Variants in TRIM16 observed in about 807,000 individuals in gnomAD.
TRIM16 encodes the protein tripartite motif containing 16, also known as tripartite motif-containing protein 16.
TRIM16 carries 33 observed loss-of-function variants against 50.4 expected under a neutral mutation model. The ratio of observed to expected loss-of-function variants is 0.65; its 90% CI spans 0.50 to 0.88. The LOEUF is 0.88. TRIM16 is among the 40% of genes least tolerant of loss of function. The probability of loss-of-function intolerance (pLI) is 0.00; values close to 1 mark genes in which losing one functional copy is unlikely to be tolerated. For synonymous variants in TRIM16, 229 were observed against 270.7 expected, an observed-to-expected ratio of 0.85 and a Z score of 1.51; for missense variants, 581 against 686.8, an observed-to-expected ratio of 0.85 and a Z score of 1.72.
rs550596855 is a variant in TRIM16, at chr17:15,681,488, G to A, written c.-678-535C>T. Among the ~76,000 whole-genome samples, 448 of 152,370 alleles carry A rather than the reference G, an allele frequency of 2.9e-3. 1 individual carries two copies. Among genetic ancestry groups the A allele is most frequent in the South Asian group, 6.8e-3 (33 of 4,826 alleles). On this transcript the variant is annotated intron_variant, in intron 3 of 11. Transcript: ENST00000649191. Reference sequence around the variant, plus strand: ...CCACACACGCTCCACTAAATTGTATGTGTCGTATCATTCACCACTGCATCC... The same window carrying A: ...CCACACACGCTCCACTAAATTGTATATGTCGTATCATTCACCACTGCATCC...
chr17:15,645,660 G>C (rs1987336520), intron 7 of TRIM16, among the ~76,000 whole-genome samples: 1 of 152,348 alleles, frequency 6.6e-6, no homozygotes, highest in South Asian at 2.1e-4. Context: ...AACTCAGAGA[G>C]CATAAACTGT....
At chr17:15,682,359 G>A (rs1989217009) in intron 3 of TRIM16, among the ~76,000 whole-genome samples, 1 of 152,208 alleles carries the variant, frequency 6.6e-6, no homozygotes, top group African/African-American at 2.4e-5. Context: ...CGGGGCTAAG[G>A]TAGAGTTAGG....
rs1419648799 is a variant in TRIM16 at position 15,651,693 on chromosome 17, C to T, written c.-84G>A. ...GCCCAAGTCAGACAAGAGAACCACG[C>T]CTAGATGATTGCAGCTGCTGCAAGA... On this transcript the variant is annotated 5_prime_UTR_variant, in exon 7 of 12. Coordinates refer to ENST00000649191, the MANE Select transcript of TRIM16 (RefSeq NM_001348119.1). The T allele has an allele frequency of 6.4e-7, 1 of 1,552,536 alleles. No homozygotes were observed. Among genetic ancestry groups the T allele is most frequent in the Non-Finnish European group, 8.7e-7 (1 of 1,152,140 alleles).
chr17:15,668,788 A>C (rs1375464681), intron 6 of TRIM16, among the ~76,000 whole-genome samples: 1 of 152,194 alleles, frequency 6.6e-6, no homozygotes, highest in African/African-American at 2.4e-5. Context: ...ATATACGTAT[A>C]TATTTCAACT....
rs565676308 is a variant in TRIM16 at position 15,640,354 on chromosome 17, C to T, written c.615+2367G>A. Among the ~76,000 whole-genome samples, 78 of 148,888 alleles carry T rather than the reference C, an allele frequency of 5.2e-4. 5 individuals carry two copies. The highest frequency in any genetic ancestry group is 1.9e-3 in the African/African-American group (75 of 40,236). Reference sequence around the variant, plus strand: ...GCTGTGTGGGGGTTGCAGGGAAGGACCTTTAAGTTCAGCCCATTAAACAGA... The same window carrying T: ...GCTGTGTGGGGGTTGCAGGGAAGGATCTTTAAGTTCAGCCCATTAAACAGA... On this transcript the variant is annotated intron_variant, in intron 8 of 11. Coordinates refer to ENST00000649191, the MANE Select transcript of TRIM16 (RefSeq NM_001348119.1).
chr17:15,671,548 T>C (rs1988731590), intron 6 of TRIM16, among the ~76,000 whole-genome samples: 1 of 151,632 alleles, frequency 6.6e-6, no homozygotes, highest in Non-Finnish European at 1.5e-5. Context: ...ATATACGATA[T>C]ATATCTAACA....
In TRIM16 at chr17:15,683,151, C is replaced by A; in HGVS notation, c.-892G>T. The A allele has an allele frequency of 6.5e-7, 1 of 1,547,100 alleles. No homozygotes were observed. Among genetic ancestry groups the A allele is most frequent in the East Asian group, 2.4e-5 (1 of 40,892 alleles). ...CTTCCTGGAAATTGCCAGCATTCTA[C>A]CAGAAACTGTGGTAAGAGGTTCTGG... On this transcript the variant is annotated 5_prime_UTR_variant, in exon 2 of 12. Coordinates refer to ENST00000649191, the MANE Select transcript of TRIM16 (RefSeq NM_001348119.1).
rs1220451579 is a variant in TRIM16 at position 15,632,558 on chromosome 17, G to C, written c.966C>G (p.Ile322Met). The C allele has an allele frequency of 1.2e-6, 2 of 1,613,614 alleles. No individual in the cohort carries two copies. Among genetic ancestry groups the C allele is most frequent in the Non-Finnish European group, 1.7e-6 (2 of 1,179,784 alleles). ...TTTTCTTATAGTTCTCCAGCAACTGGATTAAGTGTACAGTGGATTCCGTGA... is the reference window on the plus strand; with the variant it reads ...TTTTCTTATAGTTCTCCAGCAACTGCATTAAGTGTACAGTGGATTCCGTGA... The part of the protein sequence containing the change: ...KVITESTVHL[I>M]QLLENYKKKL... The change falls in exon 10 of 12, where the codon ATC (isoleucine) becomes ATG (methionine). Residue 322 changes from isoleucine (I) to methionine (M), a missense_variant. By Grantham distance (10) the Ile-to-Met change is conservative. Transcript: ENST00000649191.
At chr17:15,633,487 C>A (rs1986535864) in intron 9 of TRIM16, among the ~76,000 whole-genome samples, 1 of 148,544 alleles carries the variant, frequency 6.7e-6, no homozygotes, top group Admixed American at 6.7e-5. Flanking sequence ...GTTTTGAATG[C>A]CTAACCAAAA....
In TRIM16 at chr17:15,677,086, G is replaced by C. The variant is rs1373834024; in HGVS notation, c.-338+90C>G. 23 of 730,480 alleles carry C rather than the reference G, an allele frequency of 3.1e-5. No homozygotes were observed. The Admixed American group carries it at 8.8e-4, about 28-fold the overall frequency. 45.2% of individuals were successfully genotyped at this position (730,480 alleles called of 1,614,324 possible). Reference sequence around the variant, plus strand: ...GGTCAAGTGAAGATGAGACTGCAGGGGGATTCAACATTTTCTACAGGCCCG... The same window carrying C: ...GGTCAAGTGAAGATGAGACTGCAGGCGGATTCAACATTTTCTACAGGCCCG... On this transcript the variant is annotated intron_variant, in intron 6 of 11. Coordinates refer to ENST00000649191, the MANE Select transcript of TRIM16 (RefSeq NM_001348119.1).
In TRIM16 at chr17:15,629,104, C is replaced by A; in HGVS notation, c.1206G>T (p.Glu402Asp). 1 of 1,613,864 alleles carries A rather than the reference C, an allele frequency of 6.2e-7. No individual in the cohort carries two copies. Among genetic ancestry groups the A allele is most frequent in the Admixed American group, 1.7e-5 (1 of 59,986 alleles). Residue 402 changes from glutamate (E) to aspartate (D), a missense_variant, in exon 12 of 12, where the codon GAG (glutamate) becomes GAT (aspartate). Physicochemically the swap from Glu to Asp is conservative, Grantham distance 45. This residue lies in a region of TRIM16 where 450 missense variants were observed against 544.3 expected (regional missense o/e 0.83). Coordinates refer to ENST00000649191, the MANE Select transcript of TRIM16 (RefSeq NM_001348119.1). Reference protein sequence around the residue: ...NRKVTNTTPWEHPYPDLPSRF... With the variant: ...NRKVTNTTPWDHPYPDLPSRF... Reference sequence around the variant, plus strand: ...TGCTGGGGAGGTCCGGGTAGGGATGCTCCCAGGGCGTGGTGTTGGTGACCT... The same window carrying A: ...TGCTGGGGAGGTCCGGGTAGGGATGATCCCAGGGCGTGGTGTTGGTGACCT...
intron 9 of TRIM16, among the ~76,000 whole-genome samples, chr17:15,633,454 G>C (rs955975113): frequency 6.7e-6 from 1 of 149,634 alleles, no homozygotes; most frequent in Non-Finnish European, 1.5e-5. Context: ...TAAGTTATTC[G>C]GATAAGTTAT....
At chr17:15,665,631 A>G (rs907679023) in intron 6 of TRIM16, among the ~76,000 whole-genome samples, 4 of 152,190 alleles carry the variant, frequency 2.6e-5, no homozygotes, top group Non-Finnish European at 4.4e-5. Context: ...CTCAGTGGCC[A>G]TTACTTTTCA....
rs1480254502 is a variant in TRIM16 at position 15,651,751 on chromosome 17, C to T, written c.-142G>A. On this transcript the variant is annotated 5_prime_UTR_variant, in exon 7 of 12. Coordinates refer to ENST00000649191, the MANE Select transcript of TRIM16 (RefSeq NM_001348119.1). ...TGTTTCCTCCCTCCCAGAGGAAGCT[C>T]GGCCACTCATTACTGTGTGCTGGCG... The T allele has an allele frequency of 3.6e-5, 55 of 1,513,210 alleles. No homozygotes were observed. The highest frequency in any genetic ancestry group is 4.6e-5 in the Non-Finnish European group (52 of 1,136,508). The allele number at this position is 1,513,210 out of a possible 1,614,324, so 93.7% of individuals were successfully genotyped here.
chr17:15,634,753 G>A (rs548961013), intron 9 of TRIM16, among the ~76,000 whole-genome samples: 34 of 149,298 alleles, frequency 2.3e-4, no homozygotes, highest in Non-Finnish European at 3.9e-4. Flanking sequence ...GGAGGTTGCA[G>A]TGAGCCGAGA....
intron 7 of TRIM16, among the ~76,000 whole-genome samples, chr17:15,647,822 C>CACAG (rs1165234752): frequency 7.2e-6 from 1 of 139,572 alleles, no homozygotes; most frequent in African/African-American, 3.3e-5. Flanking sequence ...TTCATACACA[C>CACAG]ACACACACAC....
chr17:15,674,758 T>G (rs1464391966), intron 6 of TRIM16, among the ~76,000 whole-genome samples: 1 of 152,190 alleles, frequency 6.6e-6, no homozygotes, highest in Non-Finnish European at 1.5e-5. Flanking sequence ...AACTTTCAAG[T>G]TCTCTTAGTG....
At chr17:15,676,208 T>C (rs1012665250) in intron 6 of TRIM16, among the ~76,000 whole-genome samples, 1 of 152,190 alleles carries the variant, frequency 6.6e-6, no homozygotes, top group African/African-American at 2.4e-5. Context: ...ACTCACGAGA[T>C]GCCCATAGCA....
chr17:15,678,464 G>C (rs1324433482), intron 4 of TRIM16, among the ~76,000 whole-genome samples: 1 of 152,166 alleles, frequency 6.6e-6, no homozygotes, highest in Non-Finnish European at 1.5e-5. Flanking sequence ...AATGCAAGCA[G>C]GAGTGATGTG....
Sources: allele counts gnomAD v4.1 joint callset (sites outside exome capture counted in the v4.1 genomes callset), GRCh38; gene constraint gnomAD v4.1.1; regional missense constraint gnomAD v4.1.1; transcripts MANE v1.5; gene names NCBI Gene and HGNC (gene_info 2026-07-23, HGNC 2026-07-21).